The following ROBO2 variants were observed in gnomAD, a reference collection of about 807,000 sequenced individuals.
ROBO2 encodes the protein roundabout homolog 2.
A neutral mutation model predicts 160.8 loss-of-function variants in ROBO2; 53 were observed. The ratio of observed to expected loss-of-function variants is 0.33; its 90% CI spans 0.26 to 0.41. ROBO2 has a LOEUF of 0.41. Ranked by LOEUF, ROBO2 falls within the 10% of genes least tolerant of loss-of-function variation. ROBO2 has a pLI of 1.00. For missense variants in ROBO2, 1,577 were observed against 1,722.4 expected, an observed-to-expected ratio of 0.92 and a Z score of 1.49; for synonymous variants, 664 against 611.7, an observed-to-expected ratio of 1.09 and a Z score of -1.26.
chr3:77,325,435 T>C (rs188465174), intron 2 of ROBO2, among the ~76,000 whole-genome samples: 75 of 152,318 alleles, frequency 4.9e-4, no homozygotes, highest in African/African-American at 1.7e-3. Flanking sequence ...ACACTTTGAC[T>C]GGACTGACAT....
Position 76,823,619 on chromosome 3 carries a change from G to A in ROBO2, c.110-274395G>A, listed in dbSNP as rs544340975. On this transcript the variant is annotated intron_variant, in intron 2 of 26. Transcript: ENST00000487694. ...AAAGAATTATGAGTGCGATGAGCTC[G>A]CTCTCAAAGGATGTGAGGTATTAAA... 1.2e-4 allele frequency among the ~76,000 whole-genome samples: 19 copies of A among 152,184 alleles called. No individual in the cohort carries two copies. In the South Asian group the frequency reaches 3.7e-3, roughly 30 times the overall value.
chr3:76,117,556 C>A (rs1487165518), intron 2 of ROBO2, among the ~76,000 whole-genome samples: 1 of 152,162 alleles, frequency 6.6e-6, no homozygotes, highest in Non-Finnish European at 1.5e-5. Context: ...GAGGGACAAG[C>A]ACTTGGTTCC....
At chr3:77,648,949 C>G (rs888128926) in exon 26 of ROBO2, 4 of 152,132 alleles carry the variant, frequency 2.6e-5, no homozygotes, top group African/African-American at 4.8e-5. Flanking sequence ...GCAATCATGT[C>G]CAATACAAGC....
chr3:77,557,442 A>G (rs2093163378), intron 8 of ROBO2, among the ~76,000 whole-genome samples: 2 of 151,948 alleles, frequency 1.3e-5, no homozygotes, highest in African/African-American at 4.8e-5. Context: ...AGCCTGTATA[A>G]ATACAGCACA....
intron 2 of ROBO2, among the ~76,000 whole-genome samples, chr3:76,030,304 C>T (rs1040690369): frequency 3.3e-5 from 5 of 149,694 alleles, no homozygotes; most frequent in Admixed American, 1.3e-4. Context: ...AATTTTCTCC[C>T]GTTCTGTAGA....
At chr3:76,032,335 G>GT (rs2066951472) in intron 2 of ROBO2, among the ~76,000 whole-genome samples, 1 of 152,034 alleles carries the variant, frequency 6.6e-6, no homozygotes, top group African/African-American at 2.4e-5. Context: ...TTTTTGAGGG[G>GT]TTTTTTGTGT....
At chr3:76,188,085 T>TC (rs1196447174) in intron 2 of ROBO2, among the ~76,000 whole-genome samples, 4 of 152,106 alleles carry the variant, frequency 2.6e-5, no homozygotes, top group African/African-American at 9.7e-5. Flanking sequence ...AGTGAATGCT[T>TC]CCATCTCTCC....
At chr3:77,537,284 G>A (rs1341130672) in intron 6 of ROBO2, among the ~76,000 whole-genome samples, 1 of 151,696 alleles carries the variant, frequency 6.6e-6, no homozygotes, top group African/African-American at 2.4e-5. Flanking sequence ...TTTTTTTTGT[G>A]GGGAGGAGGT....
At chr3:76,916,526 T>C (rs2076318322) in intron 2 of ROBO2, among the ~76,000 whole-genome samples, 1 of 147,354 alleles carries the variant, frequency 6.8e-6, no homozygotes, top group African/African-American at 2.4e-5. Context: ...ATTGTTATTT[T>C]TTTGTAGAGA....
At chr3:76,417,931 C>T (rs1577063211) in intron 2 of ROBO2, among the ~76,000 whole-genome samples, 1 of 151,794 alleles carries the variant, frequency 6.6e-6, no homozygotes, top group East Asian at 2.0e-4. Flanking sequence ...TGTTTTTTGC[C>T]ATTACTTTCA....
chr3:75,914,707 C>T (rs1946737441), intron 1 of ROBO2, among the ~76,000 whole-genome samples: 3 of 152,050 alleles, frequency 2.0e-5, no homozygotes, highest in South Asian at 4.2e-4. Flanking sequence ...TCTACGGATG[C>T]GTAAGTAACT....
chr3:76,830,989 CA>C (rs1480527870), intron 2 of ROBO2, among the ~76,000 whole-genome samples: 1 of 151,706 alleles, frequency 6.6e-6, no homozygotes, highest in Non-Finnish European at 1.5e-5. Context: ...CCCTGTTGTT[CA>C]AAAAAATAAA....
chr3:76,240,688 C>CT (rs573301736), intron 2 of ROBO2, among the ~76,000 whole-genome samples: 6 of 151,410 alleles, frequency 4.0e-5, no homozygotes, highest in South Asian at 2.1e-4. Flanking sequence ...TGACGTCCTG[C>CT]TTTTTTTTTC....
intron 2 of ROBO2, among the ~76,000 whole-genome samples, chr3:76,574,023 T>A (rs1204632233): frequency 6.6e-6 from 1 of 152,144 alleles, no homozygotes; most frequent in Non-Finnish European, 1.5e-5. Context: ...TGTGTATGTG[T>A]CTTAACTCCC....
At chr3:77,076,060 G>A (rs1356284110) in intron 1 of ROBO2, among the ~76,000 whole-genome samples, 4 of 150,576 alleles carry the variant, frequency 2.7e-5, no homozygotes, top group Admixed American at 1.3e-4. Context: ...GGAAATATTG[G>A]GAAAAAAAGA....
At chr3:77,031,034 C>G (rs776909709) in intron 2 of ROBO2, among the ~76,000 whole-genome samples, 4 of 152,148 alleles carry the variant, frequency 2.6e-5, no homozygotes, top group Non-Finnish European at 5.9e-5. Flanking sequence ...ATAGTAGGTA[C>G]AGCTGGTAAC....
chr3:76,922,185 C>T (rs1380666371), intron 2 of ROBO2, among the ~76,000 whole-genome samples: 1 of 152,052 alleles, frequency 6.6e-6, no homozygotes, highest in Non-Finnish European at 1.5e-5. Flanking sequence ...GTGGCGGGTG[C>T]CTGTAGTCCC....
intron 8 of ROBO2, 24 bp from the exon 10 acceptor site, chr3:77,557,920 C>CT (rs760478456): frequency 1.4e-6 from 2 of 1,460,472 alleles, no homozygotes; most frequent in Non-Finnish European, 9.0e-7. Context: ...TGTTAAAATA[C>CT]CTGAAAAGAG....
intron 2 of ROBO2, among the ~76,000 whole-genome samples, chr3:77,315,660 C>T (rs1322622093): frequency 6.6e-6 from 1 of 151,998 alleles, no homozygotes; most frequent in Non-Finnish European, 1.5e-5. Context: ...AAATATATAC[C>T]TCCAATGTTT....
Sources: allele counts gnomAD v4.1 joint callset (sites outside exome capture counted in the v4.1 genomes callset), GRCh38; gene constraint gnomAD v4.1.1; transcripts MANE v1.5; gene names NCBI Gene and HGNC (gene_info 2026-07-23, HGNC 2026-07-21).